The following ZNF407 variants were observed in gnomAD, a reference collection of about 807,000 sequenced individuals.
ZNF407 encodes the protein zinc finger protein 407.
In ZNF407, 17 loss-of-function variants were observed where a neutral mutation model predicts 131.2. The observed-to-expected ratio is 0.13, with a 90% CI of 0.09 to 0.19. The LOEUF (loss-of-function observed/expected upper bound fraction) is 0.19. ZNF407 is among the 10% of genes least tolerant of loss of function. ZNF407 has a pLI of 1.00. For synonymous variants in ZNF407, 1,156 were observed against 1,062.0 expected, an observed-to-expected ratio of 1.09 and a Z score of -1.72; for missense variants, 2,681 against 2,830.6, an observed-to-expected ratio of 0.95 and a Z score of 1.20.
intron 3 of ZNF407, among the ~76,000 whole-genome samples, chr18:74,755,740 TC>T (rs1294201692): frequency 8.9e-6 from 1 of 112,326 alleles, no homozygotes; most frequent in African/African-American, 4.5e-5. Context: ...TTTCTTTCTT[TC>T]TTTCTTTCTT....
chr18:74,807,956 C>T (rs554643646), intron 4 of ZNF407, among the ~76,000 whole-genome samples: 26 of 151,878 alleles, frequency 1.7e-4, no homozygotes, highest in South Asian at 6.3e-4. Flanking sequence ...TGGGCTCAAG[C>T]GATCCCCCAC....
intron 3 of ZNF407, 97 bp from the exon 4 acceptor site, chr18:74,781,331 A>C: frequency 1.2e-6 from 1 of 845,990 alleles, no homozygotes; most frequent in Non-Finnish European, 1.8e-6. Context: ...TTTTTATGTT[A>C]TGTTTGCATA....
At chr18:75,006,850 A>G (rs1972917074) in intron 8 of ZNF407, among the ~76,000 whole-genome samples, 1 of 151,716 alleles carries the variant, frequency 6.6e-6, no homozygotes, top group South Asian at 2.1e-4. Context: ...TTTGCTTCTT[A>G]ATAGTTTAAA....
intron 4 of ZNF407, among the ~76,000 whole-genome samples, chr18:74,830,001 T>C (rs946196372): frequency 2.0e-5 from 3 of 152,046 alleles, no homozygotes; most frequent in Admixed American, 6.6e-5. Context: ...GGGACCCTAT[T>C]TTGATGGGAT....
chr18:74,811,254 G>T (rs1970190374), intron 4 of ZNF407, among the ~76,000 whole-genome samples: 1 of 152,172 alleles, frequency 6.6e-6, no homozygotes, highest in African/African-American at 2.4e-5. Context: ...CATTTATGCA[G>T]CCAAAAAACA....
At chr18:74,858,428 T>TAGCTGTACAGCTGTAC (rs1231956047) in intron 4 of ZNF407, among the ~76,000 whole-genome samples, 1 of 152,302 alleles carries the variant, frequency 6.6e-6, no homozygotes, top group East Asian at 1.9e-4. Flanking sequence ...AGCCAAATGG[T>TAGCTGTACAGCTGTAC]AGCCATACTA....
At chr18:74,964,269 A>T (rs991178661) in intron 8 of ZNF407, among the ~76,000 whole-genome samples, 1 of 152,198 alleles carries the variant, frequency 6.6e-6, no homozygotes, top group African/African-American at 2.4e-5. Flanking sequence ...GTGAGGGATC[A>T]TGTTATAGGG....
rs1266271589 is a variant in ZNF407, at chr18:74,779,117, T to A, written c.4803-2311T>A. Among the ~76,000 whole-genome samples, 431 of 67,512 alleles carry A rather than the reference T, an allele frequency of 6.4e-3. 7 individuals carry two copies. Among genetic ancestry groups the A allele is most frequent in the African/African-American group, 0.018 (393 of 22,446 alleles). The allele number at this position is 67,512 out of a possible 152,430, so 44.3% of individuals were successfully genotyped here. ...TATATATATATATATATATTTTTTT[T>A]TTTTTTTTTTTTTTTTGAGACGGAG... On this transcript the variant is annotated intron_variant, in intron 3 of 8. Transcript: ENST00000299687.
chr18:75,004,884 T>TA (rs1252900306), intron 8 of ZNF407, among the ~76,000 whole-genome samples: 1 of 152,106 alleles, frequency 6.6e-6, no homozygotes, highest in East Asian at 1.9e-4. Context: ...CCACCGCACT[T>TA]AGAGATGGCT....
chr18:74,894,090 C>G (rs1269223631), intron 7 of ZNF407, among the ~76,000 whole-genome samples: 3 of 151,914 alleles, frequency 2.0e-5, no homozygotes, highest in African/African-American at 7.2e-5. Context: ...GTCTTTTGAA[C>G]CTGAGGCTAT....
intron 4 of ZNF407, among the ~76,000 whole-genome samples, chr18:74,866,777 GTATTCATTATATTT>G (rs1971016578): frequency 6.7e-6 from 1 of 148,416 alleles, no homozygotes; most frequent in Admixed American, 6.7e-5. Flanking sequence ...TCATTTTATT[GTATTCATTATATTT>G]TATTCATTAT....
At chr18:75,046,284 C>T (rs1004263477) in intron 8 of ZNF407, among the ~76,000 whole-genome samples, 8 of 152,070 alleles carry the variant, frequency 5.3e-5, no homozygotes, top group Admixed American at 3.3e-4. Context: ...TGATCAGAGC[C>T]GGGCTGCCCA....
At chr18:74,794,344 G>A (rs936603653) in intron 4 of ZNF407, among the ~76,000 whole-genome samples, 11 of 152,184 alleles carry the variant, frequency 7.2e-5, no homozygotes, top group Non-Finnish European at 1.6e-4. Flanking sequence ...TCTCTTTAGT[G>A]GCGTAATTCA....
intron 3 of ZNF407, among the ~76,000 whole-genome samples, chr18:74,680,416 A>AG (rs397963599): frequency 6.6e-6 from 1 of 150,832 alleles, no homozygotes; most frequent in Admixed American, 6.6e-5. Flanking sequence ...AAAAAAAAAA[A>AG]TAGAACCCCC....
At chr18:74,630,024 C>A (rs1438828147) in intron 1 of ZNF407, among the ~76,000 whole-genome samples, 4 of 152,032 alleles carry the variant, frequency 2.6e-5, no homozygotes, top group African/African-American at 9.7e-5. Context: ...GACAGCTGGA[C>A]TAGAAGTGGC....
At chr18:74,795,350 T>A (rs1969900268) in intron 4 of ZNF407, among the ~76,000 whole-genome samples, 1 of 152,238 alleles carries the variant, frequency 6.6e-6, no homozygotes, top group Non-Finnish European at 1.5e-5. Flanking sequence ...TTTGTCATTC[T>A]ATAACATTTT....
At chr18:75,009,038 T>A (rs1453333656) in intron 8 of ZNF407, among the ~76,000 whole-genome samples, 2 of 152,228 alleles carry the variant, frequency 1.3e-5, no homozygotes, top group African/African-American at 4.8e-5. Flanking sequence ...GCATTTCTAT[T>A]CTGTTTTAAT....
chr18:74,679,568 T>A (rs1456693349), intron 3 of ZNF407, among the ~76,000 whole-genome samples: 3 of 152,240 alleles, frequency 2.0e-5, no homozygotes, highest in Non-Finnish European at 4.4e-5. Flanking sequence ...AATGGTGACA[T>A]AATCTCTTCT....
At chr18:74,774,697 A>G (rs530185919) in intron 3 of ZNF407, among the ~76,000 whole-genome samples, 2 of 152,332 alleles carry the variant, frequency 1.3e-5, no homozygotes, top group African/African-American at 4.8e-5. Flanking sequence ...GTAGTTGTAG[A>G]TGAAAGGAGA....
Sources: gnomAD v4.1 joint callset for allele counts (sites outside exome capture counted in the v4.1 genomes callset) on GRCh38, gnomAD v4.1.1 for gene constraint, MANE v1.5 for transcripts, NCBI Gene and HGNC (gene_info 2026-07-23, HGNC 2026-07-21) for gene names.